The following SARDH variants were observed in gnomAD, a reference collection of about 807,000 sequenced individuals.
SARDH encodes the protein sarcosine dehydrogenase, mitochondrial.
In SARDH, 95 loss-of-function variants were observed where a neutral mutation model predicts 109.1. The ratio of observed to expected loss-of-function variants is 0.87; its 90% CI spans 0.74 to 1.03. The LOEUF (loss-of-function observed/expected upper bound fraction) is 1.03. Ranked by LOEUF, SARDH falls within the 50% of genes least tolerant of loss-of-function variation. SARDH has a pLI of 0.00. For synonymous variants in SARDH, 572 were observed against 534.8 expected, an observed-to-expected ratio of 1.07 and a Z score of -0.96; for missense variants, 1,267 against 1,287.8, an observed-to-expected ratio of 0.98 and a Z score of 0.25.
Position 133,663,961 on chromosome 9 carries a change from C to T in SARDH, c.2685G>A (p.Val895=). 6.2e-7 allele frequency: 1 copy of T among 1,614,186 alleles called. No individual in the cohort carries two copies. The highest frequency in any genetic ancestry group is 8.5e-7 in the Non-Finnish European group (1 of 1,180,020). The change falls in exon 21 of 21, where the codon GTG becomes GTA. Residue 895 remains valine, a synonymous_variant. Coordinates refer to ENST00000439388, the MANE Select transcript of SARDH (RefSeq NM_001134707.2). The part of the protein sequence containing the change: ...SGDYALERMG[V]TYGAQAHLKS... The stretch of plus-strand genomic sequence containing the variant: ...TCAGGTGAGCCTGGGCACCATAGGT[C>T]ACCCCCATTCTCTCCAGGGCATAGT...
chr9:133,694,430 C>T, intron 14 of SARDH, 59 bp from the exon 15 acceptor site: 2 of 1,391,980 alleles, frequency 1.4e-6, no homozygotes, highest in Non-Finnish European at 2.0e-6. Flanking sequence ...TCTGTGCTGC[C>T]TCAGTTTCCC....
intron 4 of SARDH, 118 bp downstream of exon 4, chr9:133,731,187 C>T: frequency 2.2e-6 from 3 of 1,369,996 alleles, no homozygotes; most frequent in Non-Finnish European, 3.0e-6. Flanking sequence ...CCTCACTGGC[C>T]CAAAGTCACA....
Position 133,690,665 on chromosome 9 carries a change from G to A in SARDH, c.1922-138C>T, listed in dbSNP as rs149812210. On this transcript the variant is annotated intron_variant, in intron 15 of 20. Transcript: ENST00000439388. Reference sequence around the variant, plus strand: ...TGTGCCTTCACAGTGCCCAGGAACCGTATCTGTCCCTCCCTGGGTCCCCCA... The same window carrying A: ...TGTGCCTTCACAGTGCCCAGGAACCATATCTGTCCCTCCCTGGGTCCCCCA... 840 of 969,892 alleles carry A rather than the reference G, an allele frequency of 8.7e-4. 4 individuals are homozygous for A. In the East Asian group the frequency reaches 9.7e-3, roughly 11 times the overall value. 60.1% of individuals were successfully genotyped at this position (969,892 alleles called of 1,614,324 possible).
chr9:133,715,003 C>G (rs1295887508), intron 8 of SARDH, among the ~76,000 whole-genome samples: 4 of 152,194 alleles, frequency 2.6e-5, no homozygotes, highest in Non-Finnish European at 5.9e-5. Context: ...TTGAGTAACC[C>G]GAGGACACAT....
intron 2 of SARDH, 48 bp from the exon 3 acceptor site, chr9:133,732,649 CT>C (rs1441439542): frequency 6.5e-7 from 1 of 1,539,612 alleles, no homozygotes; most frequent in Non-Finnish European, 8.8e-7. Context: ...TGGACTGCAC[CT>C]CCTTCCCCCA....
Position 133,721,878 on chromosome 9 carries a change from G to A in SARDH, c.916-2836C>T, listed in dbSNP as rs978406042. Among the ~76,000 whole-genome samples the A allele has an allele frequency of 2.6e-5, 4 of 152,136 alleles. No homozygotes were observed. The East Asian group carries it at 7.7e-4, about 29-fold the overall frequency. ...TGCCTGTAATCCCAGCACTTTGGGA[G>A]GCCAAGGCGGGAGGGTCATTTGAGG... On this transcript the variant is annotated intron_variant, in intron 6 of 20. Coordinates refer to ENST00000439388, the MANE Select transcript of SARDH (RefSeq NM_001134707.2).
At chr9:133,694,718 T>C (rs555750056) in intron 14 of SARDH, among the ~76,000 whole-genome samples, 1 of 152,346 alleles carries the variant, frequency 6.6e-6, no homozygotes, top group Admixed American at 6.5e-5. Flanking sequence ...CCCCGTTCAT[T>C]CTGGGGCTCC....
chr9:133,708,159 A>C, intron 11 of SARDH, 128 bp downstream of exon 11: 2 of 1,104,164 alleles, frequency 1.8e-6, no homozygotes, highest in Non-Finnish European at 2.5e-6. Flanking sequence ...TACCTGGGGA[A>C]TGACAGACAC....
chr9:133,705,077 C>G, intron 11 of SARDH, 46 bp from the exon 12 acceptor site: 3 of 1,523,106 alleles, frequency 2.0e-6, no homozygotes, highest in Non-Finnish European at 2.7e-6. Context: ...TGGCCTGATA[C>G]CCCTGCGCAG....
chr9:133,734,164 G>A lies in SARDH; in HGVS notation c.10C>T (p.Leu4=). Residue 4 remains leucine, a synonymous_variant, in exon 2 of 21, where the codon CTG becomes TTG. Transcript: ENST00000439388. ...GCAGCCACACGTAGGGCTCGGCTCA[G>A]TGAGGCCATGGGGGCTCCAGGCCTC... MAS[L]SRALRVAAAH... is the part of the protein sequence containing the mutation. 1.3e-6 allele frequency: 2 copies of A among 1,592,248 alleles called. No homozygotes were observed. Among genetic ancestry groups the A allele is most frequent in the African/African-American group, 1.3e-5 (1 of 74,814 alleles).
rs533171939 is a variant in SARDH at position 133,729,104 on chromosome 9, G to A, written c.915+661C>T. Among the ~76,000 whole-genome samples the A allele has an allele frequency of 8.5e-4, 130 of 152,080 alleles. 1 individual carries two copies. Among genetic ancestry groups the A allele is most frequent in the African/African-American group, 3.0e-3 (124 of 41,464 alleles). On this transcript the variant is annotated intron_variant, in intron 6 of 20. Transcript: ENST00000439388. The stretch of plus-strand genomic sequence containing the variant: ...ATGGGAGAAGGCATGGATAGATACG[G>A]GAGTAGATGGATGGAGAGACGGATG...
chr9:133,725,961 A>G (rs957193236), intron 6 of SARDH, among the ~76,000 whole-genome samples: 4 of 152,194 alleles, frequency 2.6e-5, no homozygotes, highest in African/African-American at 9.7e-5. Context: ...ACATTCTGGC[A>G]GATGCTTCCT....
intron 8 of SARDH, among the ~76,000 whole-genome samples, chr9:133,715,126 G>A (rs954618843): frequency 6.6e-6 from 1 of 152,114 alleles, no homozygotes; most frequent in South Asian, 2.1e-4. Context: ...CGCTCCCTAA[G>A]TCACGGGGGC....
At chr9:133,685,131 G>A (rs995770621) in intron 17 of SARDH, 62 bp downstream of exon 17, 29 of 1,154,946 alleles carry the variant, frequency 2.5e-5, no homozygotes, top group Admixed American at 3.9e-5. Flanking sequence ...CAGATCCCCC[G>A]GCGCACCCCT....
intron 20 of SARDH, among the ~76,000 whole-genome samples, chr9:133,664,403 C>T (rs1053996130): frequency 3.9e-5 from 6 of 152,226 alleles, no homozygotes; most frequent in African/African-American, 9.6e-5. Flanking sequence ...TCGAATCCCT[C>T]GGGGCAGGGG....
At position 133,666,726 on chromosome 9, in the gene SARDH, G is replaced by A. The variant is rs1830079679; in HGVS notation, c.2631+9C>T. The A allele has an allele frequency of 1.3e-6, 2 of 1,582,560 alleles. No homozygotes were observed. Among genetic ancestry groups the A allele is most frequent in the South Asian group, 2.3e-5 (2 of 86,574 alleles). On this transcript the variant is annotated intron_variant, in intron 20 of 20. Coordinates refer to ENST00000439388, the MANE Select transcript of SARDH (RefSeq NM_001134707.2). This position sits in a 1 kb window ranked among gnomAD's most constrained non-coding sequence, Gnocchi z 5.2. Reference sequence around the variant, plus strand: ...ATCTGCCTTAGCAGGGCCAGAGAAGGGGACTCACCGGCCCACCGCTGGGGT... The same window carrying A: ...ATCTGCCTTAGCAGGGCCAGAGAAGAGGACTCACCGGCCCACCGCTGGGGT...
At chr9:133,660,074 A>T (rs1195478224), downstream of SARDH, among the ~76,000 whole-genome samples, 1 of 22,066 alleles carries the variant, frequency 4.5e-5, no homozygotes, top group South Asian at 1.9e-3. Context: ...CTCACCCCCC[A>T]CTCACACTCT....
In SARDH at chr9:133,666,352, C is replaced by A. The variant is rs920088524; in HGVS notation, c.2631+383G>T. On this transcript the variant is annotated intron_variant, in intron 20 of 20. Transcript: ENST00000439388. The surrounding 1 kb of genome is among the most constrained non-coding windows in gnomAD (Gnocchi z 5.2). ...AAGGTATCAGCCTGGCTGGCTGGCA[C>A]CTCCTTCTAACCAAAAAAAGCCTGG... Among the ~76,000 whole-genome samples, 1 of 152,106 alleles carries A rather than the reference C, an allele frequency of 6.6e-6. No homozygotes were observed. Among genetic ancestry groups the A allele is most frequent in the Non-Finnish European group, 1.5e-5 (1 of 68,004 alleles).
At chr9:133,716,770 C>CG (rs201469712) in intron 8 of SARDH, among the ~76,000 whole-genome samples, 3 of 152,304 alleles carry the variant, frequency 2.0e-5, no homozygotes, top group East Asian at 1.9e-4. Context: ...AACCTTCCCC[C>CG]GCTGAGCTGG....
Sources: allele counts gnomAD v4.1 joint callset (sites outside exome capture counted in the v4.1 genomes callset), GRCh38; gene constraint gnomAD v4.1.1; non-coding constraint Gnocchi (gnomAD v3.1); transcripts MANE v1.5; gene names NCBI Gene and HGNC (gene_info 2026-07-23, HGNC 2026-07-21).